Variants in BPIFB3 observed in about 807,000 individuals in gnomAD.
BPIFB3 encodes the protein BPI fold containing family B member 3, also known as BPI fold-containing family B member 3.
Under a neutral mutation model 53.1 loss-of-function variants are expected in BPIFB3, and 49 were observed. The ratio of observed to expected loss-of-function variants is 0.92; its 90% CI spans 0.73 to 1.17. BPIFB3 has a LOEUF of 1.17. Ranked by LOEUF, BPIFB3 falls within the 50% of genes most tolerant of loss-of-function variation. The pLI, the probability that BPIFB3 is intolerant of heterozygous loss-of-function variation, is 0.00. For synonymous variants in BPIFB3, 271 were observed against 269.6 expected (o/e 1.01, Z -0.05); for missense variants, 628 against 592.5 (o/e 1.06, Z -0.62).
At chr20:33,059,675 G>A (rs978623718) in intron 3 of BPIFB3, among the ~76,000 whole-genome samples, 193 bp downstream of exon 4, 2 of 151,996 alleles carry the variant, frequency 1.3e-5, no homozygotes, top group African/African-American at 4.8e-5. Context: ...CTTCCCCAGG[G>A]ACTTCCATTT....
In BPIFB3 at chr20:33,059,890, G is replaced by A; in HGVS notation, c.387-1G>A. The A allele has an allele frequency of 6.2e-7, 1 of 1,613,556 alleles. No homozygotes were observed. The highest frequency in any genetic ancestry group is 8.5e-7 in the Non-Finnish European group (1 of 1,179,788). On this transcript the variant is annotated splice_acceptor_variant, in intron 3 of 14. Transcript: ENST00000375494. LOFTEE classifies it high-confidence loss of function. ...CACACCCCCAGTGTCCTTTCTTGCAGCCCCCTTGGTGGCCTTCTGCAGCTG... is the reference window on the plus strand; with the variant it reads ...CACACCCCCAGTGTCCTTTCTTGCAACCCCCTTGGTGGCCTTCTGCAGCTG...
Position 33,056,517 on chromosome 20 carries a change from C to T in BPIFB3, c.125-25C>T, listed in dbSNP as rs150237752. On this transcript the variant is annotated intron_variant, in intron 1 of 14. Coordinates refer to ENST00000375494, the Ensembl canonical transcript of BPIFB3. ...GGGGTGAGGTTGGAGTTTCTAGTAC[C>T]TTCCTACTTCCACTCTCTCTGCAGC... 1.0e-3 allele frequency: 1,618 copies of T among 1,613,110 alleles called. 13 individuals are homozygous for T. The African/African-American group carries it at 0.019, about 19-fold the overall frequency.
intron 5 of BPIFB3, among the ~76,000 whole-genome samples, 170 bp from the exon 7 acceptor site, chr20:33,063,445 C>T (rs6057714): frequency 0.018 from 2,775 of 152,312 alleles, 85 homozygotes; most frequent in African/African-American, 0.063. Context: ...ACCTCAAGCC[C>T]CCAGCCCCTT....
chr20:33,068,878 CACA>C (rs1391239091), exon 10 of BPIFB3: 7 of 1,613,930 alleles, frequency 4.3e-6, no homozygotes, highest in Non-Finnish European at 3.4e-6. Context: ...GGTCACACTC[CACA>C]ACAAGAAGGC....
intron 4 of BPIFB3, among the ~76,000 whole-genome samples, chr20:33,060,591 G>A (rs925562267): frequency 1.3e-5 from 2 of 151,644 alleles, no homozygotes; most frequent in Non-Finnish European, 2.9e-5. Flanking sequence ...TTTTCCTGAG[G>A]CAGAGTCTCA....
chr20:33,069,173 C>A (rs1226132556), intron 10 of BPIFB3, among the ~76,000 whole-genome samples, 200 bp downstream of exon 11: 1 of 152,150 alleles, frequency 6.6e-6, no homozygotes, highest in Non-Finnish European at 1.5e-5. Context: ...TGCCTGCTCC[C>A]TCCTGTCATG....
At chr20:33,064,604 G>T in intron 7 of BPIFB3, 56 bp downstream of exon 8, 1 of 1,612,622 alleles carries the variant, frequency 6.2e-7, no homozygotes, top group Non-Finnish European at 8.5e-7. Context: ...AGGGGATGCC[G>T]GATCAAGGCA....
chr20:33,059,909 G>C lies in BPIFB3; in HGVS notation c.405G>C (p.Leu135=), dbSNP rs150139646. The C allele has an allele frequency of 2.9e-4, 474 of 1,613,976 alleles. No homozygotes were observed. The African/African-American group carries it at 5.7e-3, about 19-fold the overall frequency. ...CTTGCAGCCCCCTTGGTGGCCTTCT[G>C]CAGCTGGCTGCGGAGGTGAACGTGA... The change falls in exon 4 of 15, where the codon CTG becomes CTC. Residue 135 remains leucine, a synonymous_variant. Transcript: ENST00000375494.
At chr20:33,063,529 A>C in intron 5 of BPIFB3, 86 bp from the exon 7 acceptor site, 1 of 1,453,546 alleles carries the variant, frequency 6.9e-7, no homozygotes, top group Middle Eastern at 1.7e-4. Flanking sequence ...ACCACATAGC[A>C]GCAGATAGCA....
intron 14 of BPIFB3, among the ~76,000 whole-genome samples, 198 bp downstream of exon 15, chr20:33,072,991 T>G (rs952744269): frequency 6.6e-6 from 1 of 152,240 alleles, no homozygotes; most frequent in African/African-American, 2.4e-5. Flanking sequence ...CTCCTCCATT[T>G]CTTGCCCATG....
chr20:33,073,797 G>A (rs1364116390), downstream of BPIFB3, among the ~76,000 whole-genome samples: 1 of 152,170 alleles, frequency 6.6e-6, no homozygotes, highest in Non-Finnish European at 1.5e-5. Context: ...GAGCTCTGGG[G>A]CCTCAGTAGC....
At chr20:33,064,035 G>A (rs1420771571) in intron 6 of BPIFB3, among the ~76,000 whole-genome samples, 2 of 152,188 alleles carry the variant, frequency 1.3e-5, no homozygotes, top group South Asian at 2.1e-4. Flanking sequence ...CCAAGGCCCC[G>A]CAGCCACAGC....
At chr20:33,054,412 C>A (rs767690065), upstream of BPIFB3, among the ~76,000 whole-genome samples, 2 of 152,092 alleles carry the variant, frequency 1.3e-5, no homozygotes, top group Non-Finnish European at 2.9e-5. Context: ...GAGATCAGCA[C>A]CTTAAAGTAA....
At chr20:33,054,184 G>A (rs774575513), upstream of BPIFB3, among the ~76,000 whole-genome samples, 15 of 152,002 alleles carry the variant, frequency 9.9e-5, no homozygotes, top group Non-Finnish European at 1.8e-4. Context: ...GGGTGGGCAG[G>A]GGATCCCTGT....
chr20:33,064,438 C>A lies in BPIFB3; in HGVS notation c.653-19C>A. 1 of 1,607,718 alleles carries A rather than the reference C, an allele frequency of 6.2e-7. No individual in the cohort carries two copies. The highest frequency in any genetic ancestry group is 1.7e-4 in the Middle Eastern group (1 of 6,034). ...AACTGGGCTTATAGGGTCGTTCTCGCCCCCACTTTCCCACGCAGGCCTGGT... is the reference window on the plus strand; with the variant it reads ...AACTGGGCTTATAGGGTCGTTCTCGACCCCACTTTCCCACGCAGGCCTGGT... On this transcript the variant is annotated intron_variant, in intron 6 of 14. Transcript: ENST00000375494.
At chr20:33,072,154 A>G in exon 13 of BPIFB3, 1 of 1,614,208 alleles carries the variant, frequency 6.2e-7, no homozygotes, top group South Asian at 1.1e-5. Flanking sequence ...CAGTGTATGC[A>G]CCAAAGCTTA....
chr20:33,057,405 T>C (rs2146379894), intron 2 of BPIFB3, among the ~76,000 whole-genome samples: 1 of 152,264 alleles, frequency 6.6e-6, no homozygotes, highest in East Asian at 1.9e-4. Flanking sequence ...GTCAGGGTGG[T>C]CTTGAACTCC....
chr20:33,071,153 C>T lies in BPIFB3; in HGVS notation c.1218-100C>T, dbSNP rs1036511213. Reference sequence around the variant, plus strand: ...AGAGGCAGAGTGTTGGGCTGGTAATCCTGTTTCCTGATGATGAGAGCTATG... The same window carrying T: ...AGAGGCAGAGTGTTGGGCTGGTAATTCTGTTTCCTGATGATGAGAGCTATG... On this transcript the variant is annotated intron_variant, in intron 11 of 14. Transcript: ENST00000375494. 54 of 1,177,040 alleles carry T rather than the reference C, an allele frequency of 4.6e-5. No homozygotes were observed. The Middle Eastern group carries it at 1.2e-3, about 26-fold the overall frequency. The allele number at this position is 1,177,040 out of a possible 1,614,324, so 72.9% of individuals were successfully genotyped here.
intron 2 of BPIFB3, among the ~76,000 whole-genome samples, chr20:33,058,816 A>G (rs1328339454): frequency 2.6e-5 from 4 of 151,954 alleles, no homozygotes. Context: ...GGCTTCCTGG[A>G]GGAGTGCACG....
Sources: allele counts gnomAD v4.1 joint callset (sites outside exome capture counted in the v4.1 genomes callset), GRCh38; gene constraint gnomAD v4.1.1; transcripts MANE v1.5; gene names NCBI Gene and HGNC (gene_info 2026-07-23, HGNC 2026-07-21).